The following TAB2 variants were observed in gnomAD, a reference collection of about 807,000 sequenced individuals.
TAB2 encodes TGF-beta-activated kinase 1 and MAP3K7-binding protein 2.
TAB2 carries 3 observed loss-of-function variants against 65.0 expected under a neutral mutation model. The ratio of observed to expected loss-of-function variants is 0.05; its 90% confidence interval spans 0.02 to 0.12. The LOEUF (loss-of-function observed/expected upper bound fraction) is 0.12, where lower values mean the gene tolerates loss of function less well. Ranked by LOEUF, TAB2 falls within the 10% of genes least tolerant of loss-of-function variation. The pLI, the probability that TAB2 is intolerant of heterozygous loss-of-function variation, is 1.00. For synonymous variants in TAB2, 298 were observed against 285.1 expected (o/e 1.05, Z -0.46); for missense variants, 623 against 840.3 (o/e 0.74, Z 3.20).
At chr6:149,336,565 G>A (rs1425712344) in intron 1 of TAB2, among the ~76,000 whole-genome samples, 2 of 152,132 alleles carry the variant, frequency 1.3e-5, no homozygotes, top group African/African-American at 4.8e-5. Context: ...ATAATTAAAT[G>A]TTGATTCATA....
chr6:149,324,083 T>G (rs1433464886), intron 1 of TAB2, among the ~76,000 whole-genome samples: 1 of 152,110 alleles, frequency 6.6e-6, no homozygotes, highest in African/African-American at 2.4e-5. Flanking sequence ...AATTGCCTTG[T>G]TAAAAGAAAA....
intron 1 of TAB2, among the ~76,000 whole-genome samples, chr6:149,355,154 G>A (rs1450908304): frequency 6.6e-6 from 1 of 151,796 alleles, no homozygotes; most frequent in African/African-American, 2.4e-5. Context: ...TTTTTTGTTT[G>A]GTCTCCAATT....
intron 1 of TAB2, among the ~76,000 whole-genome samples, chr6:149,274,725 A>AG (rs1380819710): frequency 1.7e-4 from 26 of 152,350 alleles, no homozygotes; most frequent in Admixed American, 1.7e-3. Flanking sequence ...GTGAGGACCA[A>AG]GGCAATGCTT....
intron 1 of TAB2, among the ~76,000 whole-genome samples, chr6:149,249,654 C>G (rs1583045739): frequency 6.6e-6 from 1 of 151,878 alleles, no homozygotes; most frequent in South Asian, 2.1e-4. Flanking sequence ...GTGTGTGTGT[C>G]TGTCTGTCTC....
chr6:149,303,488 A>T (rs568054), intron 1 of TAB2, among the ~76,000 whole-genome samples: 1 of 152,100 alleles, frequency 6.6e-6, no homozygotes, highest in East Asian at 1.9e-4. Flanking sequence ...GTGTGTTCAC[A>T]TTATGTATTT....
intron 3 of TAB2, among the ~76,000 whole-genome samples, chr6:149,386,334 T>C (rs1781808472): frequency 1.3e-5 from 2 of 152,216 alleles, no homozygotes; most frequent in Non-Finnish European, 2.9e-5. Flanking sequence ...TGACTTATAG[T>C]ATACATCAGT....
At position 149,370,096 on chromosome 6, in the gene TAB2, A is replaced by G. The variant is rs1294424831; in HGVS notation, c.99A>G (p.Leu33=). 1 of 1,613,180 alleles carries G rather than the reference A, an allele frequency of 6.2e-7. No individual in the cohort carries two copies. Residue 33 remains leucine, a synonymous_variant, in exon 2 of 7, where the codon TTA becomes TTG. Transcript: ENST00000637181. The stretch of plus-strand genomic sequence containing the variant: ...AAGTTGTTGTATCCAGGTGCATGTT[A>G]CAGGTCAGTGTTCAATGATTTCTGA... ...VPEVVVSRCM[L]QNNNNLDACC...
At chr6:149,276,476 T>C (rs1222576763) in intron 1 of TAB2, among the ~76,000 whole-genome samples, 1 of 152,212 alleles carries the variant, frequency 6.6e-6, no homozygotes, top group Non-Finnish European at 1.5e-5. Context: ...AATGTTTAAA[T>C]GATTTGAAAA....
chr6:149,363,672 A>T (rs1488620728), intron 1 of TAB2, among the ~76,000 whole-genome samples: 1 of 152,172 alleles, frequency 6.6e-6, no homozygotes, highest in Admixed American at 6.5e-5. Flanking sequence ...CCATAATATA[A>T]CTAATGATAT....
upstream of TAB2, among the ~76,000 whole-genome samples, chr6:149,316,996 G>T (rs529805216): frequency 9.1e-4 from 138 of 151,116 alleles, no homozygotes; most frequent in African/African-American, 3.2e-3. Context: ...GCCAGCCTCC[G>T]CCGCGGGCCC....
chr6:149,261,488 A>G (rs1469345566), intron 1 of TAB2, among the ~76,000 whole-genome samples: 1 of 152,234 alleles, frequency 6.6e-6, no homozygotes, highest in African/African-American at 2.4e-5. Context: ...CAATGATTCT[A>G]AGGTTTCTAT....
chr6:149,259,098 C>A (rs2114665312), intron 1 of TAB2, among the ~76,000 whole-genome samples: 1 of 152,286 alleles, frequency 6.6e-6, no homozygotes, highest in East Asian at 1.9e-4. Context: ...GTGAGAGCCA[C>A]TTTAGACTTC....
Position 149,378,586 on chromosome 6 carries a change from G to A in TAB2, c.671G>A (p.Gly224Asp), listed in dbSNP as rs372085948. 2 of 1,613,594 alleles carry A rather than the reference G, an allele frequency of 1.2e-6. No homozygotes were observed. Among genetic ancestry groups the A allele is most frequent in the Non-Finnish European group, 8.5e-7 (1 of 1,180,028 alleles). The stretch of plus-strand genomic sequence containing the variant: ...AGGCCTTACATTACAACTCCTGGTG[G>A]TACAACTCGACAGACACAACAGCAT... ...YIRPYITTPG[G>D]TTRQTQQHSG... Residue 224 changes from glycine to aspartate, a missense_variant, in exon 3 of 7, where the codon GGT becomes GAT. Coordinates refer to ENST00000637181, the MANE Select transcript of TAB2 (RefSeq NM_001292034.3).
At chr6:149,237,541 T>C (rs1231214747) in intron 1 of TAB2, among the ~76,000 whole-genome samples, 1 of 152,206 alleles carries the variant, frequency 6.6e-6, no homozygotes, top group African/African-American at 2.4e-5. Context: ...CATGCGTAAG[T>C]GGAGAGGCAG....
chr6:149,384,230 A>G (rs1229499706), intron 3 of TAB2, among the ~76,000 whole-genome samples: 1 of 152,248 alleles, frequency 6.6e-6, no homozygotes, highest in Non-Finnish European at 1.5e-5. Flanking sequence ...ACGTACATAC[A>G]TAAATTTGGT....
chr6:149,275,890 G>A (rs568862990), intron 1 of TAB2, among the ~76,000 whole-genome samples: 17 of 152,150 alleles, frequency 1.1e-4, no homozygotes, highest in African/African-American at 3.6e-4. Flanking sequence ...AACTGTCAAG[G>A]TTATCTGAGA....
chr6:149,376,076 C>A (rs925547372), intron 2 of TAB2, among the ~76,000 whole-genome samples: 1 of 152,154 alleles, frequency 6.6e-6, no homozygotes, highest in Non-Finnish European at 1.5e-5. Context: ...ACTCTCCTTT[C>A]TGTCAGGTTC....
chr6:149,391,567 G>GGGCAGT (rs1781986451), intron 3 of TAB2, among the ~76,000 whole-genome samples: 2 of 151,954 alleles, frequency 1.3e-5, no homozygotes, highest in African/African-American at 4.8e-5. Context: ...GCAGGGGCAG[G>GGGCAGT]GTGTCACGGT....
upstream of TAB2, chr6:149,317,642 G>C (rs1408657387): frequency 6.2e-6 from 1 of 160,572 alleles, no homozygotes; most frequent in Non-Finnish European, 1.4e-5. The surrounding 1 kb of genome is among the most constrained non-coding windows in gnomAD (Gnocchi z 4.7). Context: ...GAGGGGGGTG[G>C]GGGCAGAGGG....
Sources: allele counts gnomAD v4.1 joint callset (sites outside exome capture counted in the v4.1 genomes callset), GRCh38; gene constraint gnomAD v4.1.1; non-coding constraint Gnocchi (gnomAD v3.1); transcripts MANE v1.5; gene names NCBI Gene and HGNC (gene_info 2026-07-23, HGNC 2026-07-21).